The following TRIO variants were observed in gnomAD, a reference collection of about 807,000 sequenced individuals.
TRIO encodes triple functional domain protein.
A neutral mutation model predicts 351.9 loss-of-function variants in TRIO; 58 were observed. That is an observed-to-expected ratio of 0.16 (90% CI 0.13 to 0.21). TRIO has a LOEUF of 0.21. Ranked by LOEUF, TRIO falls within the 10% of genes least tolerant of loss-of-function variation. TRIO has a pLI of 1.00. For synonymous variants in TRIO, 1,758 were observed against 1,595.7 expected (o/e 1.10, Z -2.42); for missense variants, 3,201 against 4,027.8 (o/e 0.79, Z 5.56).
At chr5:14,460,998 C>T (rs1203033264) in intron 34 of TRIO, 21 bp from the exon 35 acceptor site, 1 of 1,537,244 alleles carries the variant, frequency 6.5e-7, no homozygotes, top group African/African-American at 1.4e-5. Flanking sequence ...CAGTGATACT[C>T]CCTCTCTTTC....
chr5:14,301,182 T>C (rs1382823855), intron 7 of TRIO, among the ~76,000 whole-genome samples: 1 of 152,102 alleles, frequency 6.6e-6, no homozygotes, highest in African/African-American at 2.4e-5. Flanking sequence ...AAAAGCTATG[T>C]ATATGAATCA....
intron 1 of TRIO, among the ~76,000 whole-genome samples, chr5:14,197,830 G>A (rs1411505668): frequency 1.3e-5 from 2 of 152,204 alleles, no homozygotes; most frequent in Non-Finnish European, 2.9e-5. Context: ...TTGCAGGAAA[G>A]GAACCCTGAA....
Position 14,485,256 on chromosome 5 carries a change from G to A in TRIO, c.6835+10G>A, listed in dbSNP as rs200335386. The A allele has an allele frequency of 7.6e-6, 12 of 1,569,376 alleles. No individual in the cohort carries two copies. The African/African-American group carries it at 1.6e-4, about 21-fold the overall frequency. On this transcript the variant is annotated intron_variant, in intron 47 of 56. Coordinates refer to ENST00000344204, the MANE Select transcript of TRIO (RefSeq NM_007118.4). ...CGCAATTTTTTAAATGGTAATGTGTGTTCTGTTACTAGATGTGTGCTTTCT... is the reference window on the plus strand; with the variant it reads ...CGCAATTTTTTAAATGGTAATGTGTATTCTGTTACTAGATGTGTGCTTTCT...
intron 1 of TRIO, among the ~76,000 whole-genome samples, chr5:14,197,142 C>G (rs1199297237): frequency 6.6e-6 from 1 of 152,222 alleles, no homozygotes. Context: ...AGAAAAAAAT[C>G]TACTTGGGCA....
rs1743809641 is a variant in TRIO, at chr5:14,358,164, C to T, written c.2047-14C>T. The T allele has an allele frequency of 1.2e-6, 2 of 1,607,936 alleles. No individual in the cohort carries two copies. Among genetic ancestry groups the T allele is most frequent in the African/African-American group, 1.3e-5 (1 of 74,788 alleles). On this transcript the variant is annotated splice_polypyrimidine_tract_variant and intron_variant, in intron 11 of 56. Coordinates refer to ENST00000344204, the MANE Select transcript of TRIO (RefSeq NM_007118.4). ...CCAGGCCGGCCGGCCTCACCCCCCT[C>T]TCCCCTTCCCCAGCTGTGGACGTGG...
intron 1 of TRIO, among the ~76,000 whole-genome samples, chr5:14,194,896 C>A (rs907120547): frequency 2.0e-5 from 3 of 152,058 alleles, no homozygotes; most frequent in Non-Finnish European, 4.4e-5. Flanking sequence ...TTTGTTATAC[C>A]ACTTATACCC....
chr5:14,447,991 G>T (rs887516301), intron 34 of TRIO, among the ~76,000 whole-genome samples: 1 of 152,160 alleles, frequency 6.6e-6, no homozygotes, highest in Admixed American at 6.5e-5. Context: ...GTACTTTATT[G>T]CCTTGGGAAT....
chr5:14,388,097 A>C (rs1438517858), intron 23 of TRIO: 4 of 509,128 alleles, frequency 7.9e-6, no homozygotes, highest in African/African-American at 7.6e-5. Context: ...TGTCATTAAT[A>C]GATAGTGACA....
rs777118374 is a variant in TRIO, at chr5:14,475,618, C to T, written c.6084-1276C>T. On this transcript the variant is annotated intron_variant, in intron 40 of 56. Coordinates refer to ENST00000344204, the MANE Select transcript of TRIO (RefSeq NM_007118.4). The stretch of plus-strand genomic sequence containing the variant: ...TTATTTGGATTTACAGATAAATGAT[C>T]GGTAAACTTTAGAAACAGCACTCCA... 7.9e-5 allele frequency among the ~76,000 whole-genome samples: 12 copies of T among 152,172 alleles called. 1 individual carries two copies. Among genetic ancestry groups the T allele is most frequent in the Admixed American group, 2.0e-4 (3 of 15,278 alleles).
rs139398592 is a variant in TRIO, at chr5:14,481,511, G to A, written c.6388-30G>A. On this transcript the variant is annotated intron_variant, in intron 44 of 56. Transcript: ENST00000344204. ...TCAGATTTTCCCTAGAGGAACTTGAGCTTTCACTCTTCTCTCTCCCCTCCC... is the reference window on the plus strand; with the variant it reads ...TCAGATTTTCCCTAGAGGAACTTGAACTTTCACTCTTCTCTCTCCCCTCCC... 1,190 of 1,612,902 alleles carry A rather than the reference G, an allele frequency of 7.4e-4. 11 individuals are homozygous for A. The African/African-American group carries it at 0.013, about 18-fold the overall frequency.
At chr5:14,372,866 G>A (rs1041144763) in intron 18 of TRIO, among the ~76,000 whole-genome samples, 2 of 152,248 alleles carry the variant, frequency 1.3e-5, no homozygotes, top group East Asian at 1.9e-4. Flanking sequence ...GTTTGACAGC[G>A]TATTAGTCCA....
intron 56 of TRIO, 55 bp from the exon 57 acceptor site, chr5:14,507,825 C>T (rs1579866978): frequency 4.5e-6 from 7 of 1,564,538 alleles, no homozygotes; most frequent in South Asian, 2.5e-5. Flanking sequence ...CCCATCATCA[C>T]GAGTAAGCTT....
intron 34 of TRIO, among the ~76,000 whole-genome samples, chr5:14,444,064 T>C (rs1262659874): frequency 6.8e-6 from 1 of 146,712 alleles, no homozygotes; most frequent in Non-Finnish European, 1.5e-5. Flanking sequence ...TTATAATTCT[T>C]GAATTCTCTT....
intron 1 of TRIO, among the ~76,000 whole-genome samples, chr5:14,265,808 T>G (rs901754100): frequency 1.3e-5 from 2 of 152,212 alleles, no homozygotes; most frequent in African/African-American, 4.8e-5. Context: ...TGGAAAGATA[T>G]TTCACTGTTG....
intron 1 of TRIO, among the ~76,000 whole-genome samples, chr5:14,242,452 AC>A (rs1794187758): frequency 6.6e-6 from 1 of 152,234 alleles, no homozygotes; most frequent in African/African-American, 2.4e-5. Context: ...AAATTGATAG[AC>A]TTTTTTCTTT....
At chr5:14,271,793 T>C (rs1795990363) in intron 2 of TRIO, among the ~76,000 whole-genome samples, 1 of 152,258 alleles carries the variant, frequency 6.6e-6, no homozygotes, top group African/African-American at 2.4e-5. Context: ...TCATTTTTAA[T>C]ATATAACACT....
At chr5:14,419,690 GA>G in intron 33 of TRIO, 87 bp from the exon 34 acceptor site, 1 of 1,556,890 alleles carries the variant, frequency 6.4e-7, no homozygotes, top group Non-Finnish European at 8.7e-7. Flanking sequence ...AGGGTGGCAG[GA>G]ACCCACCTGG....
intron 1 of TRIO, among the ~76,000 whole-genome samples, chr5:14,215,786 G>A (rs1299472176): frequency 1.3e-5 from 2 of 152,172 alleles, no homozygotes; most frequent in Non-Finnish European, 2.9e-5. Context: ...CCTAAAAATC[G>A]AGAAACCATA....
Position 14,211,597 on chromosome 5 carries a change from T to TG in TRIO, c.158-59228_158-59227insG, listed in dbSNP as rs550655896. 3.1e-4 allele frequency among the ~76,000 whole-genome samples: 46 copies of TG among 150,772 alleles called. 1 individual carries two copies. In the South Asian group the frequency reaches 9.4e-3, roughly 31 times the overall value. ...TCCTGAGCACACTCAGTTGTTTTTTTTTTTTTTTTTTGTAAATTTAAGATC... is the reference window on the plus strand; with the variant it reads ...TCCTGAGCACACTCAGTTGTTTTTTTGTTTTTTTTTTTGTAAATTTAAGATC... On this transcript the variant is annotated intron_variant, in intron 1 of 56. Coordinates refer to ENST00000344204, the MANE Select transcript of TRIO (RefSeq NM_007118.4).
Sources: gnomAD v4.1 joint callset for allele counts (sites outside exome capture counted in the v4.1 genomes callset) on GRCh38, gnomAD v4.1.1 for gene constraint, MANE v1.5 for transcripts, NCBI Gene and HGNC (gene_info 2026-07-23, HGNC 2026-07-21) for gene names.